The following MYO5B variants were observed in gnomAD, a reference collection of about 807,000 sequenced individuals.
The protein encoded by MYO5B is myosin VB, also known as unconventional myosin-Vb.
Under a neutral mutation model 229.3 loss-of-function variants are expected in MYO5B, and 143 were observed. The observed-to-expected ratio is 0.62, with a 90% CI of 0.54 to 0.72. The LOEUF (loss-of-function observed/expected upper bound fraction) is 0.72, where lower values mean the gene tolerates loss of function less well. Ranked by LOEUF, MYO5B falls within the 30% of genes least tolerant of loss-of-function variation. The pLI, the probability that MYO5B is intolerant of heterozygous loss-of-function variation, is 0.00. For synonymous variants in MYO5B, 918 were observed against 885.2 expected (o/e 1.04, Z -0.66); for missense variants, 2,321 against 2,331.0 (o/e 1.00, Z 0.09).
intron 4 of MYO5B, among the ~76,000 whole-genome samples, chr18:50,030,876 G>GAAAAAA (rs869189090): frequency 2.3e-4 from 7 of 30,500 alleles, no homozygotes; most frequent in Non-Finnish European, 2.3e-4. Context: ...CTCCCTTTCA[G>GAAAAAA]AAAAAAAAAA....
intron 8 of MYO5B, 60 bp from the exon 9 acceptor site, chr18:49,980,613 T>C: frequency 7.8e-7 from 1 of 1,275,950 alleles, no homozygotes; most frequent in Non-Finnish European, 1.1e-6. Flanking sequence ...AAAGGACATT[T>C]TACCCCTTTT....
At chr18:49,999,438 G>A (rs1415345691) in intron 5 of MYO5B, among the ~76,000 whole-genome samples, 1 of 152,230 alleles carries the variant, frequency 6.6e-6, no homozygotes, top group South Asian at 2.1e-4. Context: ...AAATGCTGGA[G>A]TAAATATGCT....
intron 29 of MYO5B, among the ~76,000 whole-genome samples, chr18:49,859,188 C>G (rs627338): frequency 1.3e-5 from 2 of 152,222 alleles, no homozygotes; most frequent in African/African-American, 4.8e-5. Flanking sequence ...ATCACCTCCA[C>G]GCCCTGGGCC....
At chr18:49,880,341 CA>C in intron 23 of MYO5B, 29 bp downstream of exon 23, 1 of 1,591,330 alleles carries the variant, frequency 6.3e-7, no homozygotes, top group Non-Finnish European at 8.6e-7. Context: ...ATTAAAACCC[CA>C]AATAAAACTC....
intron 4 of MYO5B, among the ~76,000 whole-genome samples, chr18:50,026,980 G>A (rs184049634): frequency 1.3e-3 from 204 of 152,188 alleles, no homozygotes; most frequent in African/African-American, 4.4e-3. Flanking sequence ...TAGCCGCCTT[G>A]CTTCCCAGCA....
chr18:49,886,455 T>C (rs1029751802), intron 22 of MYO5B, among the ~76,000 whole-genome samples: 1 of 152,130 alleles, frequency 6.6e-6, no homozygotes, highest in Non-Finnish European at 1.5e-5. Context: ...TATGTCTTTA[T>C]ATCCAGCAGA....
intron 16 of MYO5B, among the ~76,000 whole-genome samples, chr18:49,930,338 T>C (rs1240433135): frequency 1.3e-5 from 2 of 152,216 alleles, no homozygotes; most frequent in Non-Finnish European, 2.9e-5. Flanking sequence ...CAGATTACTT[T>C]CCAGTCTTCA....
At chr18:49,953,937 C>CTATATATATATATATA in intron 13 of MYO5B, among the ~76,000 whole-genome samples, 1 of 135,964 alleles carries the variant, frequency 7.4e-6, no homozygotes, top group African/African-American at 2.8e-5. Context: ...TGTGTGTAGA[C>CTATATATATATATATA]TATATATATA....
intron 8 of MYO5B, among the ~76,000 whole-genome samples, chr18:49,984,297 C>T (rs1218351095): frequency 1.3e-5 from 2 of 152,242 alleles, no homozygotes; most frequent in African/African-American, 4.8e-5. Context: ...ACCTTCACAG[C>T]CTGCTTCCAA....
chr18:50,091,172 G>C (rs1005468458), intron 1 of MYO5B, among the ~76,000 whole-genome samples: 2 of 152,170 alleles, frequency 1.3e-5, no homozygotes, highest in African/African-American at 4.8e-5. Flanking sequence ...GGTCAAAGGA[G>C]ACTAAAACAA....
At chr18:49,929,337 T>G (rs558052372) in intron 17 of MYO5B, among the ~76,000 whole-genome samples, 175 bp downstream of exon 17, 25 of 152,230 alleles carry the variant, frequency 1.6e-4, no homozygotes, top group African/African-American at 5.8e-4. Flanking sequence ...CTTCCCAATT[T>G]TTCAGGCTAA....
At chr18:50,046,723 C>CA (rs903936829) in intron 2 of MYO5B, among the ~76,000 whole-genome samples, 2 of 151,794 alleles carry the variant, frequency 1.3e-5, no homozygotes, top group East Asian at 3.9e-4. Flanking sequence ...TAGACAAGCA[C>CA]AAAAAAACAC....
intron 14 of MYO5B, among the ~76,000 whole-genome samples, chr18:49,952,930 T>C (rs138907303): frequency 6.6e-6 from 1 of 152,048 alleles, no homozygotes; most frequent in Non-Finnish European, 1.5e-5. Flanking sequence ...TTTCCATCAC[T>C]GCGCTCACCG....
intron 2 of MYO5B, among the ~76,000 whole-genome samples, chr18:50,049,414 A>C (rs1374594631): frequency 6.6e-6 from 1 of 152,272 alleles, no homozygotes; most frequent in African/African-American, 2.4e-5. Flanking sequence ...AGAATACAGC[A>C]GCATAAAAAT....
chr18:50,106,058 C>T (rs2031754388), intron 1 of MYO5B, among the ~76,000 whole-genome samples: 1 of 152,154 alleles, frequency 6.6e-6, no homozygotes, highest in Admixed American at 6.5e-5. Flanking sequence ...GCCCCTGCAT[C>T]CTCCGCCTGC....
intron 2 of MYO5B, among the ~76,000 whole-genome samples, chr18:50,054,177 T>C (rs2030481036): frequency 6.6e-6 from 1 of 152,072 alleles, no homozygotes; most frequent in South Asian, 2.1e-4. Context: ...GACACCCTAC[T>C]CTTGGTCACC....
chr18:49,843,209 A>G (rs2024081264), intron 34 of MYO5B, 32 bp downstream of exon 34: 2 of 1,612,562 alleles, frequency 1.2e-6, no homozygotes, highest in Admixed American at 1.7e-5. Context: ...TCTACCCACC[A>G]CAAACCATGA....
chr18:49,826,119 G>A lies in MYO5B; in HGVS notation c.*352C>T. On this transcript the variant is annotated 3_prime_UTR_variant, in exon 40 of 40. Transcript: ENST00000285039. ...TTATATATATTTGGTATTTTAATTT[G>A]GACATTCTCTAGTTCTATGCAAAGA... The A allele has an allele frequency of 3.5e-6, 1 of 287,682 alleles. No individual in the cohort carries two copies. The highest frequency in any genetic ancestry group is 6.7e-6 in the Non-Finnish European group (1 of 149,886). 17.8% of individuals were successfully genotyped at this position (287,682 alleles called of 1,614,324 possible).
At chr18:49,947,602 A>G (rs2025388923) in intron 14 of MYO5B, among the ~76,000 whole-genome samples, 1 of 152,220 alleles carries the variant, frequency 6.6e-6, no homozygotes, top group Non-Finnish European at 1.5e-5. Flanking sequence ...TAGAGTTATT[A>G]AGCAGTCTGT....
Sources: gnomAD v4.1 joint callset for allele counts (sites outside exome capture counted in the v4.1 genomes callset) on GRCh38, gnomAD v4.1.1 for gene constraint, MANE v1.5 for transcripts, NCBI Gene and HGNC (gene_info 2026-07-23, HGNC 2026-07-21) for gene names.